Variants in ERCC4 observed in about 807,000 individuals in gnomAD.
The protein encoded by ERCC4 is ERCC excision repair 4, endonuclease catalytic subunit.
In ERCC4, 65 loss-of-function variants were observed where a neutral mutation model predicts 76.9. The observed-to-expected ratio is 0.84, with a 90% confidence interval of 0.69 to 1.04. The LOEUF (loss-of-function observed/expected upper bound fraction) is 1.04, where lower values mean the gene tolerates loss of function less well. Ranked by LOEUF, ERCC4 falls within the 50% of genes least tolerant of loss-of-function variation. ERCC4 has a pLI of 0.00. For missense variants in ERCC4, 1,214 were observed against 1,128.2 expected, an observed-to-expected ratio of 1.08 and a Z score of -1.09; for synonymous variants, 463 against 410.1, an observed-to-expected ratio of 1.13 and a Z score of -1.56.
At chr16:13,943,555 CAT>C (rs1567251638) in intron 9 of ERCC4, among the ~76,000 whole-genome samples, 1 of 152,208 alleles carries the variant, frequency 6.6e-6, no homozygotes, top group East Asian at 1.9e-4. Context: ...TTCCAGGACA[CAT>C]GGGGATTATC....
chr16:13,925,306 T>A (rs966490269), intron 2 of ERCC4, among the ~76,000 whole-genome samples: 1 of 152,226 alleles, frequency 6.6e-6, no homozygotes, highest in Non-Finnish European at 1.5e-5. Context: ...TTTTTATTAT[T>A]CTTGACTCTA....
At position 13,930,765 on chromosome 16, in the gene ERCC4, C is replaced by G. The variant is rs917066081; in HGVS notation, c.848C>G (p.Ser283Cys). The change falls in exon 5 of 11, where the codon TCC becomes TGC. Residue 283 changes from serine to cysteine, a missense_variant. Ser to Cys is a moderately radical substitution (Grantham distance 112). Transcript: ENST00000311895. ...LWHQLGAKTK[S>C]LVQDLKILRT... ...CACCAGCTTGGAGCCAAGACTAAAT[C>G]CTTAGTTCAGGATTTGAAGATATTA... The G allele has an allele frequency of 6.2e-7, 1 of 1,613,312 alleles. No individual in the cohort carries two copies. The highest frequency in any genetic ancestry group is 1.1e-5 in the South Asian group (1 of 91,062).
In ERCC4 at chr16:13,944,708, T is replaced by C; in HGVS notation, c.1905-15T>C. 4 of 1,562,362 alleles carry C rather than the reference T, an allele frequency of 2.6e-6. No homozygotes were observed. The highest frequency in any genetic ancestry group is 3.5e-6 in the Non-Finnish European group (4 of 1,132,688). ...AAATTTGTTTCAGAAGTGTTGACAA[T>C]GTTTTCTCCCACAGGGAAAAAGCAA... On this transcript the variant is annotated splice_polypyrimidine_tract_variant and intron_variant, in intron 9 of 10. Coordinates refer to ENST00000311895, the MANE Select transcript of ERCC4 (RefSeq NM_005236.3).
intron 3 of ERCC4, 28 bp downstream of exon 3, chr16:13,926,784 A>T: frequency 6.6e-7 from 1 of 1,505,228 alleles, no homozygotes; most frequent in Non-Finnish European, 9.2e-7. Context: ...ACAAATAATG[A>T]TGACATTATT....
intron 10 of ERCC4, 59 bp from the exon 11 acceptor site, chr16:13,947,555 T>C: frequency 1.3e-6 from 2 of 1,576,610 alleles, no homozygotes; most frequent in Non-Finnish European, 1.7e-6. Flanking sequence ...TTTTAGATTT[T>C]GTTATATTCC....
At position 13,920,366 on chromosome 16, in the gene ERCC4, C is replaced by T. The variant is rs1240323587; in HGVS notation, c.201C>T (p.Ala67=). 1.3e-6 allele frequency: 2 copies of T among 1,574,424 alleles called. No individual in the cohort carries two copies. The highest frequency in any genetic ancestry group is 1.7e-6 in the Non-Finnish European group (2 of 1,167,582). ...CLVLVLNTQP[A]EEEYFINQLK... is the part of the protein sequence containing the mutation. ...TGCTGGTGCTCAACACGCAGCCGGC[C>T]GAGGAGGTGCGGCCGCGCTGGCGCG... Residue 67 remains alanine (A), a synonymous_variant, in exon 1 of 11, where the codon GCC becomes GCT. Coordinates refer to ENST00000311895, the MANE Select transcript of ERCC4 (RefSeq NM_005236.3).
intron 2 of ERCC4, among the ~76,000 whole-genome samples, chr16:13,924,683 T>A (rs911587691): frequency 3.3e-5 from 5 of 152,204 alleles, no homozygotes; most frequent in African/African-American, 1.2e-4. Flanking sequence ...CACCCGTACA[T>A]TGGTGATAAA....
rs1347594016 is a variant in ERCC4, at chr16:13,947,902, T to G, written c.2306T>G (p.Leu769Arg). Reference sequence around the variant, plus strand: ...TTTGACCCTAGCAAGCCTTTCTCTCTCACTTCCCGAGGTGCCTTGTTTCAG... The same window carrying G: ...TTTGACCCTAGCAAGCCTTTCTCTCGCACTTCCCGAGGTGCCTTGTTTCAG... ...IEFDPSKPFS[L>R]TSRGALFQEI... is the part of the protein sequence containing the mutation. Residue 769 changes from leucine to arginine, a missense_variant, in exon 11 of 11, where the codon CTC (leucine) becomes CGC (arginine). By Grantham distance (102) the Leu-to-Arg change is moderately radical. Transcript: ENST00000311895. 8 of 1,614,126 alleles carry G rather than the reference T, an allele frequency of 5.0e-6. No individual in the cohort carries two copies. Among genetic ancestry groups the G allele is most frequent in the Non-Finnish European group, 6.8e-6 (8 of 1,180,018 alleles).
At chr16:13,934,716 A>C (rs1374759953) in intron 7 of ERCC4, 2 of 237,820 alleles carry the variant, frequency 8.4e-6, no homozygotes, top group Admixed American at 5.2e-5. Flanking sequence ...AAAAAGCCTC[A>C]ACTCTTCTAT....
intron 7 of ERCC4, 55 bp from the exon 8 acceptor site, chr16:13,935,091 G>A: frequency 7.4e-7 from 1 of 1,343,042 alleles, no homozygotes. Context: ...GGGGCACAGG[G>A]AAACTAGGAG....
Position 13,937,794 on chromosome 16 carries a change from A to T in ERCC4, c.1840A>T (p.Thr614Ser). The change falls in exon 9 of 11, where the codon ACT becomes TCT. Residue 614 changes from threonine to serine, a missense_variant. Coordinates refer to ENST00000311895, the MANE Select transcript of ERCC4 (RefSeq NM_005236.3). ...TTACTTTCTTATATACGGAGGTTCA[A>T]CTGAGGAACAACGCTATCTCACTGC... ...RVYFLIYGGS[T>S]EEQRYLTALR... 6.2e-7 allele frequency: 1 copy of T among 1,613,506 alleles called. No individual in the cohort carries two copies. The highest frequency in any genetic ancestry group is 8.5e-7 in the Non-Finnish European group (1 of 1,179,416).
chr16:13,943,394 C>T (rs921254416), intron 9 of ERCC4, among the ~76,000 whole-genome samples: 1 of 152,188 alleles, frequency 6.6e-6, no homozygotes, highest in African/African-American at 2.4e-5. Flanking sequence ...ACTTGTCCTT[C>T]TTCACATGGC....
At chr16:13,936,375 C>T (rs745391215) in intron 8 of ERCC4, among the ~76,000 whole-genome samples, 8 of 152,152 alleles carry the variant, frequency 5.3e-5, no homozygotes, top group Non-Finnish European at 8.8e-5. Flanking sequence ...AGAAACCTTC[C>T]CCTAGCATTT....
In ERCC4 at chr16:13,947,882, C is replaced by T; in HGVS notation, c.2286C>T (p.Asp762=). The T allele has an allele frequency of 1.2e-6, 2 of 1,614,140 alleles. No homozygotes were observed. Among genetic ancestry groups the T allele is most frequent in the South Asian group, 1.1e-5 (1 of 91,080 alleles). Residue 762 remains aspartate, a synonymous_variant, in exon 11 of 11, where the codon GAC becomes GAT. Coordinates refer to ENST00000311895, the MANE Select transcript of ERCC4 (RefSeq NM_005236.3). ...GTCCCGTGCTTCTGATTGAGTTTGACCCTAGCAAGCCTTTCTCTCTCACTT... is the reference window on the plus strand; with the variant it reads ...GTCCCGTGCTTCTGATTGAGTTTGATCCTAGCAAGCCTTTCTCTCTCACTT... ...YKRPVLLIEF[D]PSKPFSLTSR... is the part of the protein sequence containing the mutation.
At position 13,951,048 on chromosome 16, in the gene ERCC4, T is replaced by TG. The variant is rs1359365427; in HGVS notation, c.*2702dup. 1.1e-5 allele frequency: 2 copies of TG among 188,042 alleles called. No homozygotes were observed. The highest frequency in any genetic ancestry group is 2.2e-5 in the Non-Finnish European group (2 of 89,250). 11.6% of individuals were successfully genotyped at this position (188,042 alleles called of 1,614,324 possible). On this transcript the variant is annotated 3_prime_UTR_variant, in exon 11 of 11. Coordinates refer to ENST00000311895, the MANE Select transcript of ERCC4 (RefSeq NM_005236.3). ...TGAATTCTAAAATGGTCATTGTAAG[T>TG]GAAAGCCTCTCGCTACCACTTCCTC...
At chr16:13,946,067 C>T (rs1296609317) in intron 10 of ERCC4, among the ~76,000 whole-genome samples, 7 of 152,200 alleles carry the variant, frequency 4.6e-5, no homozygotes, top group East Asian at 1.9e-4. Context: ...CTTTTCCAGC[C>T]TCTAGAGGCC....
At chr16:13,921,395 C>T (rs3136051) in intron 1 of ERCC4, among the ~76,000 whole-genome samples, 7,039 of 152,150 alleles carry the variant, frequency 0.046, 207 homozygotes, top group Middle Eastern at 0.072. Flanking sequence ...GTCTGATGAT[C>T]CCCTAGATAT....
chr16:13,945,168 G>A (rs183067314), intron 10 of ERCC4, among the ~76,000 whole-genome samples: 1 of 152,314 alleles, frequency 6.6e-6, no homozygotes, highest in East Asian at 1.9e-4. Context: ...GTTAAACGGT[G>A]ATTAGGTTCT....
In ERCC4 at chr16:13,928,030, T is replaced by C; in HGVS notation, c.587T>C (p.Phe196Ser). 1.2e-6 allele frequency: 2 copies of C among 1,611,064 alleles called. No individual in the cohort carries two copies. The highest frequency in any genetic ancestry group is 1.3e-5 in the African/African-American group (1 of 75,016). ...FVRKLYLWPR[F>S]HVAVNSFLEQ... ...TTGAAAAATATTTGTCTCTTTAGGT[T>C]CCATGTAGCAGTAAACTCATTTTTA... Residue 196 changes from phenylalanine to serine, a missense_variant and splice_region_variant, in exon 4 of 11, where the codon TTC becomes TCC. Phe to Ser is a radical substitution (Grantham distance 155, BLOSUM62 -2). Coordinates refer to ENST00000311895, the MANE Select transcript of ERCC4 (RefSeq NM_005236.3).
Sources: gnomAD v4.1 joint callset for allele counts (sites outside exome capture counted in the v4.1 genomes callset) on GRCh38, gnomAD v4.1.1 for gene constraint, MANE v1.5 for transcripts, NCBI Gene and HGNC (gene_info 2026-07-23, HGNC 2026-07-21) for gene names.